Variants in ASPG observed in about 807,000 individuals in gnomAD.
ASPG encodes asparaginase, also known as 60 kDa lysophospholipase.
In ASPG, 53 loss-of-function variants were observed where a neutral mutation model predicts 63.2. That is an observed-to-expected ratio of 0.84 (90% CI 0.67 to 1.05). ASPG has a LOEUF of 1.05. ASPG is among the 50% of genes least tolerant of loss of function. ASPG has a pLI of 0.00. For synonymous variants in ASPG, 370 were observed against 355.0 expected (o/e 1.04, Z -0.48); for missense variants, 741 against 794.4 (o/e 0.93, Z 0.81).
At chr14:104,108,686 G>A (rs2037253373) in intron 12 of ASPG, 2 of 985,240 alleles carry the variant, frequency 2.0e-6, no homozygotes, top group East Asian at 1.1e-4. Flanking sequence ...CTAGAGCCCC[G>A]ACCCCACCCC....
At chr14:104,087,870 C>T (rs985932019) in intron 1 of ASPG, among the ~76,000 whole-genome samples, 1 of 152,212 alleles carries the variant, frequency 6.6e-6, no homozygotes, top group African/African-American at 2.4e-5. Flanking sequence ...CTGTGAGGTC[C>T]TGTGTCTGGG....
chr14:104,105,751 C>T (rs549938255), intron 10 of ASPG, among the ~76,000 whole-genome samples: 27 of 152,320 alleles, frequency 1.8e-4, no homozygotes, highest in Admixed American at 7.2e-4. Flanking sequence ...AGAAGAAGGG[C>T]GGGTGAGTGG....
At chr14:104,098,792 G>T in intron 5 of ASPG, 61 bp from the exon 6 acceptor site, 1 of 1,584,514 alleles carries the variant, frequency 6.3e-7, no homozygotes, top group Non-Finnish European at 8.6e-7. Context: ...GGAAGCTGGA[G>T]GGCAGATGGG....
Position 104,108,591 on chromosome 14 carries a change from C to T in ASPG, c.1434-638C>T, listed in dbSNP as rs1177482275. 9 of 985,250 alleles carry T rather than the reference C, an allele frequency of 9.1e-6. No homozygotes were observed. In the South Asian group the frequency reaches 1.4e-4, roughly 15 times the overall value. The allele number at this position is 985,250 out of a possible 1,614,324, so 61.0% of individuals were successfully genotyped here. On this transcript the variant is annotated intron_variant, in intron 12 of 15. Transcript: ENST00000551177. ...TTTGCAGGGGTGGGGGCACGGCCAG[C>T]GATTATGGCACAGTCTTTAGGTCAC...
At chr14:104,086,672 GT>G (rs1197050334) in intron 1 of ASPG, among the ~76,000 whole-genome samples, 1 of 152,104 alleles carries the variant, frequency 6.6e-6, no homozygotes, top group African/African-American at 2.4e-5. Context: ...GGGCTCTGCT[GT>G]GATGTGGGGC....
intron 1 of ASPG, among the ~76,000 whole-genome samples, chr14:104,086,252 C>T (rs1159860929): frequency 3.3e-5 from 5 of 152,144 alleles, no homozygotes; most frequent in Non-Finnish European, 7.4e-5. Flanking sequence ...TAGGAGGCTG[C>T]GAGGACCCCT....
intron 1 of ASPG, among the ~76,000 whole-genome samples, chr14:104,090,539 G>A (rs1038128676): frequency 7.9e-5 from 12 of 152,376 alleles, no homozygotes; most frequent in Non-Finnish European, 1.3e-4. Flanking sequence ...GCACCGCTCC[G>A]TCCTGACGCT....
intron 14 of ASPG, 43 bp downstream of exon 14, chr14:104,111,644 C>T (rs778895676): frequency 4.9e-5 from 73 of 1,500,796 alleles, no homozygotes; most frequent in African/African-American, 2.9e-4. Flanking sequence ...AGGCTGCCAC[C>T]TCCAGGAAGG....
chr14:104,111,731 T>G (rs1195327813), intron 14 of ASPG, 130 bp downstream of exon 14: 1 of 887,750 alleles, frequency 1.1e-6, no homozygotes, highest in African/African-American at 1.7e-5. Flanking sequence ...GCCCTCCCCA[T>G]GCAGGACCCG....
intron 3 of ASPG, 28 bp from the exon 4 acceptor site, chr14:104,095,503 C>T (rs117517457): frequency 2.5e-5 from 41 of 1,611,098 alleles, no homozygotes; most frequent in Non-Finnish European, 3.2e-5. Context: ...GAGGGGCTGG[C>T]CTGCCTGAGC....
intron 6 of ASPG, among the ~76,000 whole-genome samples, chr14:104,099,412 G>C (rs909967555): frequency 1.3e-5 from 2 of 152,316 alleles, no homozygotes; most frequent in African/African-American, 4.8e-5. Flanking sequence ...GGGCTGACTC[G>C]AGCGATCCTG....
At chr14:104,094,880 A>T (rs548504362) in intron 3 of ASPG, among the ~76,000 whole-genome samples, 169 of 152,246 alleles carry the variant, frequency 1.1e-3, no homozygotes, top group African/African-American at 4.0e-3. Flanking sequence ...TCCCAGGCCT[A>T]CGGGGCTTGG....
At chr14:104,103,913 C>T (rs2036997574) in intron 7 of ASPG, among the ~76,000 whole-genome samples, 1 of 152,252 alleles carries the variant, frequency 6.6e-6, no homozygotes, top group African/African-American at 2.4e-5. Flanking sequence ...AGAACGGGGT[C>T]CTCCATGCTT....
intron 15 of ASPG, among the ~76,000 whole-genome samples, 184 bp downstream of exon 15, chr14:104,112,184 G>A (rs1305541156): frequency 6.6e-6 from 1 of 152,142 alleles, no homozygotes; most frequent in Non-Finnish European, 1.5e-5. Flanking sequence ...GTTTAGAGGT[G>A]AGGAGAAGGA....
At position 104,109,064 on chromosome 14, in the gene ASPG, C is replaced by T; in HGVS notation, c.1434-165C>T. 2.0e-6 allele frequency: 2 copies of T among 985,310 alleles called. No homozygotes were observed. The highest frequency in any genetic ancestry group is 4.7e-5 in the South Asian group (1 of 21,278). 61.0% of individuals were successfully genotyped at this position (985,310 alleles called of 1,614,324 possible). Reference sequence around the variant, plus strand: ...CGGGATGATGTCACATGGGCCTAGGCAGAGGATGGGGGGATGGGCCCTTGT... The same window carrying T: ...CGGGATGATGTCACATGGGCCTAGGTAGAGGATGGGGGGATGGGCCCTTGT... On this transcript the variant is annotated intron_variant, in intron 12 of 15. Transcript: ENST00000551177. This position sits in a 1 kb window ranked among gnomAD's most constrained non-coding sequence, Gnocchi z 4.8.
Position 104,109,741 on chromosome 14 carries a change from G to A in ASPG, c.1520+426G>A, listed in dbSNP as rs1288304076. Among the ~76,000 whole-genome samples the A allele has an allele frequency of 6.6e-6, 1 of 151,884 alleles. No individual in the cohort carries two copies. Among genetic ancestry groups the A allele is most frequent in the Non-Finnish European group, 1.5e-5 (1 of 67,970 alleles). On this transcript the variant is annotated intron_variant, in intron 13 of 15. Transcript: ENST00000551177. The surrounding 1 kb of genome is among the most constrained non-coding windows in gnomAD (Gnocchi z 4.8). ...GGGGCACAGAGGAGCTGAAGCCCCTGGCAGGTGACAGGTCTCGTGAGCTCT... is the reference window on the plus strand; with the variant it reads ...GGGGCACAGAGGAGCTGAAGCCCCTAGCAGGTGACAGGTCTCGTGAGCTCT...
At chr14:104,101,938 C>T (rs555915423) in intron 6 of ASPG, among the ~76,000 whole-genome samples, 247 of 152,322 alleles carry the variant, frequency 1.6e-3, no homozygotes, top group Non-Finnish European at 2.9e-3. Flanking sequence ...CAGCGCTCCT[C>T]TCTGCCCCCG....
Position 104,091,969 on chromosome 14 carries a change from G to A in ASPG, c.83-664G>A, listed in dbSNP as rs2036382216. Among the ~76,000 whole-genome samples the A allele has an allele frequency of 6.6e-6, 1 of 152,122 alleles. No individual in the cohort carries two copies. The highest frequency in any genetic ancestry group is 2.1e-4 in the South Asian group (1 of 4,832). On this transcript the variant is annotated intron_variant, in intron 1 of 15. Transcript: ENST00000551177. This position sits in a 1 kb window ranked among gnomAD's most constrained non-coding sequence, Gnocchi z 6.4. ...CAGAACTGAGATGCAGAGGCTGCAGGAAGGTGGCAGAGTTGCTGGGGGTGG... is the reference window on the plus strand; with the variant it reads ...CAGAACTGAGATGCAGAGGCTGCAGAAAGGTGGCAGAGTTGCTGGGGGTGG...
rs1014814801 is a variant in ASPG at position 104,109,866 on chromosome 14, C to T, written c.1520+551C>T. Reference sequence around the variant, plus strand: ...CAGTGGCCAGTGTGCCTTCCGATCTCATGCTGCCGAGTGACCACCGAGGCA... The same window carrying T: ...CAGTGGCCAGTGTGCCTTCCGATCTTATGCTGCCGAGTGACCACCGAGGCA... On this transcript the variant is annotated intron_variant, in intron 13 of 15. Transcript: ENST00000551177. This position sits in a 1 kb window ranked among gnomAD's most constrained non-coding sequence, Gnocchi z 4.8. Among the ~76,000 whole-genome samples the T allele has an allele frequency of 6.6e-6, 1 of 152,048 alleles. No individual in the cohort carries two copies. Among genetic ancestry groups the T allele is most frequent in the Non-Finnish European group, 1.5e-5 (1 of 68,004 alleles).
Sources: gnomAD v4.1 joint callset for allele counts (sites outside exome capture counted in the v4.1 genomes callset) on GRCh38, gnomAD v4.1.1 for gene constraint, Gnocchi (gnomAD v3.1) non-coding constraint, MANE v1.5 for transcripts, NCBI Gene and HGNC (gene_info 2026-07-23, HGNC 2026-07-21) for gene names.